DNER: variants seen among roughly 807,000 people sequenced by gnomAD.
DNER encodes delta/notch like EGF repeat containing, also known as delta and Notch-like epidermal growth factor-related receptor.
A neutral mutation model predicts 78.2 loss-of-function variants in DNER; 33 were observed. The ratio of observed to expected loss-of-function variants is 0.42; its 90% CI spans 0.32 to 0.56. DNER has a LOEUF of 0.56. DNER is among the 20% of genes least tolerant of loss of function. The pLI, the probability that DNER is intolerant of heterozygous loss-of-function variation, is 0.11. For synonymous variants in DNER, 417 were observed against 384.8 expected, an observed-to-expected ratio of 1.08 and a Z score of -0.98; for missense variants, 918 against 975.3, an observed-to-expected ratio of 0.94 and a Z score of 0.78.
chr2:229,678,492 G>A (rs1346881674), intron 1 of DNER, among the ~76,000 whole-genome samples: 1 of 152,010 alleles, frequency 6.6e-6, no homozygotes, highest in Non-Finnish European at 1.5e-5. Context: ...TATTAAAAAG[G>A]TGTCCTGTGA....
intron 6 of DNER, among the ~76,000 whole-genome samples, chr2:229,479,061 T>A (rs1695098252): frequency 6.6e-6 from 1 of 152,136 alleles, no homozygotes; most frequent in African/African-American, 2.4e-5. Flanking sequence ...TGAGAACATG[T>A]GGTGTTTGGT....
intron 6 of DNER, among the ~76,000 whole-genome samples, chr2:229,503,139 G>A (rs1219324539): frequency 2.6e-5 from 4 of 152,204 alleles, no homozygotes. Context: ...AACTGTAACT[G>A]TGTTTTTCAA....
chr2:229,605,174 G>A (rs7599480), intron 1 of DNER, among the ~76,000 whole-genome samples: 2,507 of 152,240 alleles, frequency 0.016, 76 homozygotes, highest in African/African-American at 0.057. Flanking sequence ...GAGGTCACCC[G>A]TAAAAGCCCT....
chr2:229,534,172 AAACAGACCAATAGATTGTAACGT>A (rs1696360302), intron 5 of DNER, among the ~76,000 whole-genome samples: 1 of 152,110 alleles, frequency 6.6e-6, no homozygotes, highest in Non-Finnish European at 1.5e-5. Flanking sequence ...GATTGTAATG[AAACAGACCAATAGATTGTAACGT>A]AACAGACCAA....
At chr2:229,648,684 C>T (rs1698760942) in intron 1 of DNER, among the ~76,000 whole-genome samples, 1 of 152,152 alleles carries the variant, frequency 6.6e-6, no homozygotes, top group African/African-American at 2.4e-5. Context: ...ACTGGAACTT[C>T]TCAGCATATG....
intron 7 of DNER, among the ~76,000 whole-genome samples, chr2:229,461,821 C>T (rs1694709467): frequency 1.3e-5 from 2 of 152,042 alleles, no homozygotes; most frequent in South Asian, 4.1e-4. Context: ...TAGTGTAATT[C>T]AAATGATACA....
intron 6 of DNER, among the ~76,000 whole-genome samples, chr2:229,489,596 G>A (rs1002332472): frequency 1.6e-4 from 24 of 152,062 alleles, no homozygotes; most frequent in African/African-American, 5.6e-4. Context: ...GCTGCCTGGT[G>A]CAGGCAAAGT....
Position 229,668,516 on chromosome 2 carries a change from A to ATGTG in DNER, c.276+45628_276+45631dup, listed in dbSNP as rs60983481. ...TATACTTACCTATATATAGGTAAGT[A>ATGTG]TGTGTGTGTGTGTGTGTGTGTATAT... On this transcript the variant is annotated intron_variant, in intron 1 of 12. Transcript: ENST00000341772. Among the ~76,000 whole-genome samples, 15 of 60,002 alleles carry ATGTG rather than the reference A, an allele frequency of 2.5e-4. 1 individual carries two copies. Among genetic ancestry groups the ATGTG allele is most frequent in the Admixed American group, 1.5e-3 (8 of 5,412 alleles). 39.4% of individuals were successfully genotyped at this position (60,002 alleles called of 152,430 possible).
At chr2:229,645,801 G>A (rs571625937) in intron 1 of DNER, among the ~76,000 whole-genome samples, 2 of 152,290 alleles carry the variant, frequency 1.3e-5, no homozygotes, top group East Asian at 1.9e-4. Context: ...GAGGAGAACC[G>A]TGATGAAGGA....
chr2:229,631,771 G>A (rs1377312361), intron 1 of DNER, among the ~76,000 whole-genome samples: 1 of 152,032 alleles, frequency 6.6e-6, no homozygotes, highest in Non-Finnish European at 1.5e-5. Context: ...ACATCTTCAC[G>A]AAAGAGCAAA....
intron 10 of DNER, among the ~76,000 whole-genome samples, chr2:229,389,357 C>T (rs761746085): frequency 2.6e-5 from 4 of 151,710 alleles, no homozygotes; most frequent in East Asian, 3.9e-4. Flanking sequence ...CATTACAAAA[C>T]GCATACACCT....
At chr2:229,378,671 A>C (rs896063414) in intron 11 of DNER, among the ~76,000 whole-genome samples, 4 of 152,160 alleles carry the variant, frequency 2.6e-5, no homozygotes, top group Non-Finnish European at 5.9e-5. Flanking sequence ...CTAGACTTTG[A>C]GATATCCAGG....
Position 229,418,283 on chromosome 2 carries a change from C to T in DNER, c.1487-53G>A, listed in dbSNP as rs955430129. Reference sequence around the variant, plus strand: ...TCAAATGCATCCCATTTACAACCCACGCGGGACCAGCCTGCAAGGAAGGCA... The same window carrying T: ...TCAAATGCATCCCATTTACAACCCATGCGGGACCAGCCTGCAAGGAAGGCA... On this transcript the variant is annotated intron_variant, in intron 8 of 12. Coordinates refer to ENST00000341772, the MANE Select transcript of DNER (RefSeq NM_139072.4). 1.7e-5 allele frequency: 28 copies of T among 1,609,790 alleles called. No individual in the cohort carries two copies. In the Admixed American group the frequency reaches 1.8e-4, roughly 11 times the overall value.
intron 7 of DNER, among the ~76,000 whole-genome samples, chr2:229,451,427 A>AGGCT (rs1386051831): frequency 1.3e-5 from 2 of 152,258 alleles, no homozygotes; most frequent in African/African-American, 4.8e-5. Flanking sequence ...ACTGCACTAC[A>AGGCT]GGCTGGGTGA....
intron 7 of DNER, among the ~76,000 whole-genome samples, chr2:229,469,775 T>C (rs943015654): frequency 6.6e-6 from 1 of 152,128 alleles, no homozygotes; most frequent in Non-Finnish European, 1.5e-5. Context: ...AAATCCCGTC[T>C]CAACTAAAAA....
chr2:229,419,683 C>G (rs1384384959), intron 8 of DNER, among the ~76,000 whole-genome samples: 1 of 151,882 alleles, frequency 6.6e-6, no homozygotes. Context: ...TTTGAGGAGC[C>G]CTTGACCTAC....
chr2:229,366,254 C>T (rs2106326076), intron 12 of DNER, among the ~76,000 whole-genome samples: 1 of 152,164 alleles, frequency 6.6e-6, no homozygotes, highest in South Asian at 2.1e-4. Flanking sequence ...GAGAGTTATC[C>T]CTTTATACAG....
At chr2:229,634,792 G>T (rs1698500521) in intron 1 of DNER, among the ~76,000 whole-genome samples, 1 of 152,152 alleles carries the variant, frequency 6.6e-6, no homozygotes, top group Non-Finnish European at 1.5e-5. Flanking sequence ...TCTGCGAGCG[G>T]GAAGGAGGGG....
intron 10 of DNER, among the ~76,000 whole-genome samples, chr2:229,392,424 G>A (rs1693035650): frequency 6.6e-6 from 1 of 152,266 alleles, no homozygotes; most frequent in South Asian, 2.1e-4. Context: ...ACTGGCTTGA[G>A]GAGACAAAGA....
Sources: allele counts gnomAD v4.1 joint callset (sites outside exome capture counted in the v4.1 genomes callset), GRCh38; gene constraint gnomAD v4.1.1; transcripts MANE v1.5; gene names NCBI Gene and HGNC (gene_info 2026-07-23, HGNC 2026-07-21).